MICU2: variants seen among roughly 807,000 people sequenced by gnomAD.
MICU2 encodes the protein mitochondrial calcium uptake 2.
A neutral mutation model predicts 60.4 loss-of-function variants in MICU2; 64 were observed. That is an observed-to-expected ratio of 1.06 (90% CI 0.87 to 1.31). The LOEUF (loss-of-function observed/expected upper bound fraction) is 1.31, where lower values mean the gene tolerates loss of function less well. Ranked by LOEUF, MICU2 falls within the 50% of genes most tolerant of loss-of-function variation. The pLI is 0.00. For missense variants in MICU2, 569 were observed against 531.0 expected (o/e 1.07, Z -0.70); for synonymous variants, 201 against 175.0 (o/e 1.15, Z -1.17).
chr13:21,598,648 G>C (rs775423570), intron 1 of MICU2, among the ~76,000 whole-genome samples: 1 of 152,036 alleles, frequency 6.6e-6, no homozygotes, highest in Non-Finnish European at 1.5e-5. Flanking sequence ...CCCGGGAGGC[G>C]GAGGTTGCAG....
At chr13:21,545,447 G>A (rs528056928) in intron 2 of MICU2, among the ~76,000 whole-genome samples, 228 of 152,322 alleles carry the variant, frequency 1.5e-3, no homozygotes, top group African/African-American at 5.3e-3. Context: ...TTGGGAGGCC[G>A]AGGCGGACAG....
At chr13:21,593,571 C>CAAAAAAAAAAA (rs71093338) in intron 1 of MICU2, among the ~76,000 whole-genome samples, 21 of 63,036 alleles carry the variant, frequency 3.3e-4, no homozygotes, top group South Asian at 8.7e-4. Flanking sequence ...CAATCCTAAG[C>CAAAAAAAAAAA]AAAAAAAAAA....
chr13:21,494,436 T>A (rs1885940232), intron 11 of MICU2, among the ~76,000 whole-genome samples: 1 of 152,196 alleles, frequency 6.6e-6, no homozygotes, highest in Non-Finnish European at 1.5e-5. Context: ...AAGTATAGAC[T>A]CATATGTGAC....
intron 8 of MICU2, among the ~76,000 whole-genome samples, chr13:21,509,223 A>G (rs576687267): frequency 9.8e-5 from 15 of 152,342 alleles, no homozygotes; most frequent in Non-Finnish European, 2.1e-4. Context: ...GGTAGACAGG[A>G]CACTGTATTT....
chr13:21,577,712 G>C (rs909036923), intron 1 of MICU2, among the ~76,000 whole-genome samples: 15 of 148,906 alleles, frequency 1.0e-4, no homozygotes, highest in African/African-American at 3.5e-4. Context: ...GGCTGAGGTG[G>C]AAGAATTGCT....
At chr13:21,590,105 C>A (rs1448619302) in intron 1 of MICU2, among the ~76,000 whole-genome samples, 1 of 152,148 alleles carries the variant, frequency 6.6e-6, no homozygotes, top group Non-Finnish European at 1.5e-5. Context: ...CATTAAGATA[C>A]TCCATGAGAA....
chr13:21,595,863 C>T (rs1185412581), intron 1 of MICU2, among the ~76,000 whole-genome samples: 1 of 152,226 alleles, frequency 6.6e-6, no homozygotes, highest in African/African-American at 2.4e-5. Flanking sequence ...TCTCCTTCAG[C>T]CTATAGGCAG....
chr13:21,557,140 G>A (rs9316459), intron 2 of MICU2, among the ~76,000 whole-genome samples: 27,533 of 152,102 alleles, frequency 0.18, 3,337 homozygotes, highest in Non-Finnish European at 0.28. Flanking sequence ...CTGAGAATAG[G>A]TGCATTGGGT....
At chr13:21,503,529 T>C (rs187073398) in intron 8 of MICU2, among the ~76,000 whole-genome samples, 155 of 152,346 alleles carry the variant, frequency 1.0e-3, no homozygotes, top group African/African-American at 3.6e-3. Flanking sequence ...TACTACTTCC[T>C]AATATTTTTC....
intron 2 of MICU2, among the ~76,000 whole-genome samples, chr13:21,546,012 C>A (rs963591386): frequency 3.3e-5 from 5 of 151,966 alleles, no homozygotes; most frequent in African/African-American, 9.7e-5. Flanking sequence ...TAAGTATGTA[C>A]AATTATTATG....
intron 2 of MICU2, among the ~76,000 whole-genome samples, chr13:21,550,527 G>A (rs1887531776): frequency 2.0e-5 from 3 of 152,200 alleles, no homozygotes; most frequent in African/African-American, 4.8e-5. Context: ...CACAGAGTAA[G>A]ACGCTATCTC....
intron 2 of MICU2, among the ~76,000 whole-genome samples, chr13:21,549,342 A>T (rs1414506806): frequency 6.6e-6 from 1 of 152,182 alleles, no homozygotes; most frequent in Non-Finnish European, 1.5e-5. Context: ...GAGCAGGAAG[A>T]TGAGCCCCAA....
intron 4 of MICU2, chr13:21,530,764 CCCA>C (rs1248517326): frequency 7.9e-5 from 48 of 603,774 alleles, no homozygotes; most frequent in Non-Finnish European, 1.4e-4. Context: ...CCCAGCCATA[CCCA>C]CCACCGCCCC....
At chr13:21,541,168 AAG>A (rs1255399984) in intron 2 of MICU2, among the ~76,000 whole-genome samples, 1 of 152,116 alleles carries the variant, frequency 6.6e-6, no homozygotes. Flanking sequence ...GATGGTGTCT[AAG>A]AGTTTCTTAG....
At chr13:21,559,976 A>C (rs1225966368) in intron 2 of MICU2, among the ~76,000 whole-genome samples, 1 of 152,194 alleles carries the variant, frequency 6.6e-6, no homozygotes, top group Non-Finnish European at 1.5e-5. Flanking sequence ...AAGGGTAAAC[A>C]TATTTATGTT....
At chr13:21,519,261 T>C (rs1317121212) in intron 6 of MICU2, among the ~76,000 whole-genome samples, 1 of 152,170 alleles carries the variant, frequency 6.6e-6, no homozygotes, top group African/African-American at 2.4e-5. Flanking sequence ...TTTCTCCATG[T>C]TGGTCACGCT....
intron 1 of MICU2, among the ~76,000 whole-genome samples, chr13:21,599,435 T>C (rs542496466): frequency 1.3e-5 from 2 of 152,230 alleles, no homozygotes; most frequent in Non-Finnish European, 2.9e-5. Flanking sequence ...AAATATAACA[T>C]TGTAATGGGA....
At chr13:21,531,398 G>C in intron 4 of MICU2, 1 of 977,892 alleles carries the variant, frequency 1.0e-6, no homozygotes, top group Non-Finnish European at 1.6e-6. Context: ...TAAAACGAGA[G>C]TGGTCCTTCC....
chr13:21,526,515 T>C (rs1886860815), intron 4 of MICU2, among the ~76,000 whole-genome samples: 1 of 152,094 alleles, frequency 6.6e-6, no homozygotes, highest in Admixed American at 6.6e-5. Flanking sequence ...GATGGCATTG[T>C]ATACTTCCAT....
Sources: allele counts gnomAD v4.1 joint callset (sites outside exome capture counted in the v4.1 genomes callset), GRCh38; gene constraint gnomAD v4.1.1; transcripts MANE v1.5; gene names NCBI Gene and HGNC (gene_info 2026-07-23, HGNC 2026-07-21).